Variants in ATRX observed in about 807,000 individuals in gnomAD.
The protein encoded by ATRX is chromatin remodeler ATRX.
Under a neutral mutation model 172.6 loss-of-function variants are expected in ATRX, and 12 were observed. That is an observed-to-expected ratio of 0.07 (90% CI 0.04 to 0.11). The LOEUF (loss-of-function observed/expected upper bound fraction) is 0.11, where lower values mean the gene tolerates loss of function less well. ATRX is among the 10% of genes least tolerant of loss of function. The pLI is 1.00. For missense variants in ATRX, 1,368 were observed against 1,767.4 expected (o/e 0.77, Z 4.05); for synonymous variants, 674 against 594.7 (o/e 1.13, Z -1.94).
At chrX:77,527,540 G>C (rs1466042170) in intron 30 of ATRX, among the ~76,000 whole-genome samples, 1 of 112,250 alleles carries the variant, frequency 8.9e-6, no homozygotes, top group Non-Finnish European at 1.9e-5. Flanking sequence ...CTGATACACA[G>C]AGCTGTGTGG....
Position 77,684,484 on chromosome X carries a change from C to T in ATRX, c.772G>A (p.Asp258Asn), listed in dbSNP as rs2148638271. 1 of 1,210,755 alleles carries T rather than the reference C, an allele frequency of 8.3e-7. No individual in the cohort carries two copies. The highest frequency in any genetic ancestry group is 1.1e-6 in the Non-Finnish European group (1 of 894,893). ...TAGCAATACCATTGGTTGTTTTCAT[C>T]CATTATTGTGGACAACTCCTTTCGA... ...LGRKELSTIMDENNQWYCYIC... is the reference protein window; with the variant it reads ...LGRKELSTIMNENNQWYCYIC... The change falls in exon 9 of 35, where the codon GAT becomes AAT. Residue 258 changes from aspartate (D) to asparagine (N), a missense_variant. This residue lies in a region of ATRX where 17 missense variants were observed against 30.3 expected (regional missense o/e 0.56). Transcript: ENST00000373344.
intron 1 of ATRX, among the ~76,000 whole-genome samples, chrX:77,770,825 T>C (rs1182574074): frequency 8.9e-6 from 1 of 112,359 alleles, no homozygotes; most frequent in Non-Finnish European, 1.9e-5. Context: ...TGAAGAAGTC[T>C]ACACACAGGG....
At chrX:77,623,377 G>A (rs1000645004) in intron 19 of ATRX, among the ~76,000 whole-genome samples, 6 of 110,601 alleles carry the variant, frequency 5.4e-5, no homozygotes, top group Non-Finnish European at 3.8e-5. Context: ...TTGATACCCC[G>A]AACAGACCAG....
intron 1 of ATRX, among the ~76,000 whole-genome samples, chrX:77,784,931 T>C (rs45610638): frequency 0.023 from 2,619 of 111,847 alleles, 74 homozygotes; most frequent in African/African-American, 0.081. Flanking sequence ...AGGATGCATC[T>C]CCGAGTAAAA....
intron 19 of ATRX, among the ~76,000 whole-genome samples, chrX:77,626,031 A>G (rs1325103027): frequency 0.04 from 34 of 846 alleles, no homozygotes; most frequent in African/African-American, 0.12. Context: ...ATTGTGGCAT[A>G]TATATATATA....
At chrX:77,763,870 T>C (rs1557194174) in intron 1 of ATRX, among the ~76,000 whole-genome samples, 1 of 110,921 alleles carries the variant, frequency 9.0e-6, no homozygotes, top group African/African-American at 3.3e-5. Flanking sequence ...TCCCAGCACT[T>C]TGGGAGGCTG....
chrX:77,769,751 A>C (rs975756225), intron 1 of ATRX, among the ~76,000 whole-genome samples: 3 of 111,750 alleles, frequency 2.7e-5, no homozygotes, highest in Non-Finnish European at 5.6e-5. Flanking sequence ...AAATATGAGA[A>C]CTGCTATTGT....
intron 15 of ATRX, among the ~76,000 whole-genome samples, chrX:77,637,153 C>A (rs1264126186): frequency 1.8e-5 from 2 of 111,777 alleles, no homozygotes; most frequent in Non-Finnish European, 3.8e-5. Context: ...CTGAAAAACA[C>A]TGTAAATACA....
At chrX:77,651,857 T>TA (rs782693581) in intron 15 of ATRX, 14 of 350,114 alleles carry the variant, frequency 4.0e-5, no homozygotes, top group Middle Eastern at 8.3e-4. Context: ...AGACTCCGTC[T>TA]AAAAAAAAGA....
At chrX:77,745,044 C>T (rs1054074795) in intron 1 of ATRX, among the ~76,000 whole-genome samples, 11 of 107,792 alleles carry the variant, frequency 1.0e-4, no homozygotes, top group South Asian at 4.2e-4. Context: ...TGGTGGTATG[C>T]GCCTATAGTC....
intron 19 of ATRX, among the ~76,000 whole-genome samples, chrX:77,629,252 C>T (rs2148318799): frequency 8.9e-6 from 1 of 112,442 alleles, no homozygotes; most frequent in South Asian, 3.6e-4. Flanking sequence ...TTCACTATCA[C>T]TAATTTGTTC....
Position 77,506,897 on chromosome X carries a change from CTTTTTTTTTTTTTTTT to C in ATRX, c.*1438_*1453del, listed in dbSNP as rs139948612. ...TAAAGCAAAGCCCAAACCCAGTTTT[CTTTTTTTTTTTTTTTT>C]TTTTTTTTTTGGAATTCTTAAGCTG... On this transcript the variant is annotated 3_prime_UTR_variant, in exon 35 of 35. Coordinates refer to ENST00000373344, the MANE Select transcript of ATRX (RefSeq NM_000489.6). 32 of 60,068 alleles carry C rather than the reference CTTTTTTTTTTTTTTTT, an allele frequency of 5.3e-4. No homozygotes were observed. Among genetic ancestry groups the C allele is most frequent in the Middle Eastern group, 6.8e-3 (1 of 148 alleles). The allele number at this position is 60,068 out of a possible 1,213,427, so 5.0% of individuals were successfully genotyped here.
At chrX:77,601,495 AGAC>A (rs1569529014) in intron 22 of ATRX, among the ~76,000 whole-genome samples, 2 of 109,391 alleles carry the variant, frequency 1.8e-5, no homozygotes, top group African/African-American at 6.6e-5. Context: ...AAAAAAAAAA[AGAC>A]CTTCCAAAAA....
chrX:77,516,143 G>C (rs1557039016), intron 34 of ATRX, among the ~76,000 whole-genome samples: 1 of 111,581 alleles, frequency 9.0e-6, no homozygotes, highest in East Asian at 2.8e-4. Context: ...TAATACCTGG[G>C]TGACAAAATA....
chrX:77,751,771 G>A (rs781914831), intron 1 of ATRX, among the ~76,000 whole-genome samples: 5 of 112,027 alleles, frequency 4.5e-5, no homozygotes, highest in Non-Finnish European at 9.4e-5. Context: ...ATAAAACAGG[G>A]AATCCTTTCC....
At chrX:77,705,538 A>C (rs1161879265) in intron 2 of ATRX, among the ~76,000 whole-genome samples, 1 of 112,343 alleles carries the variant, frequency 8.9e-6, no homozygotes, top group African/African-American at 3.2e-5. Context: ...TCTCTGTCAG[A>C]ATCCCAGCTG....
At chrX:77,724,243 C>T (rs1391786313) in intron 1 of ATRX, among the ~76,000 whole-genome samples, 1 of 109,407 alleles carries the variant, frequency 9.1e-6, no homozygotes, top group Non-Finnish European at 1.9e-5. Context: ...CGCCACTGCA[C>T]TCCGGCCTAG....
At chrX:77,548,234 C>T (rs1405615182) in intron 30 of ATRX, among the ~76,000 whole-genome samples, 3 of 111,579 alleles carry the variant, frequency 2.7e-5, no homozygotes, top group Non-Finnish European at 3.8e-5. Flanking sequence ...ACGAATAGGA[C>T]ACTTTTGTAA....
chrX:77,526,452 G>A lies in ATRX; in HGVS notation c.6700-3051C>T, dbSNP rs190795638. On this transcript the variant is annotated intron_variant, in intron 30 of 34. Coordinates refer to ENST00000373344, the MANE Select transcript of ATRX (RefSeq NM_000489.6). Reference sequence around the variant, plus strand: ...TGAGTAGCTGGAACTACAGGTACTCGCTACCACGCATGGCTAATTTCTGTA... The same window carrying A: ...TGAGTAGCTGGAACTACAGGTACTCACTACCACGCATGGCTAATTTCTGTA... 1.4e-4 allele frequency among the ~76,000 whole-genome samples: 15 copies of A among 111,085 alleles called. No individual in the cohort carries two copies. In the East Asian group the frequency reaches 2.8e-3, roughly 21 times the overall value.
Sources: allele counts gnomAD v4.1 joint callset (sites outside exome capture counted in the v4.1 genomes callset), GRCh38; gene constraint gnomAD v4.1.1; regional missense constraint gnomAD v4.1.1; transcripts MANE v1.5; gene names NCBI Gene and HGNC (gene_info 2026-07-23, HGNC 2026-07-21).